DCHS1: variants seen among roughly 807,000 people sequenced by gnomAD.
The protein encoded by DCHS1 is protocadherin-16.
In DCHS1, 78 loss-of-function variants were observed where a neutral mutation model predicts 213.9. The ratio of observed to expected loss-of-function variants is 0.36; its 90% CI spans 0.30 to 0.44. The LOEUF is 0.44. DCHS1 is among the 20% of genes least tolerant of loss of function. The pLI, the probability that DCHS1 is intolerant of heterozygous loss-of-function variation, is 1.00. For missense variants in DCHS1, 3,946 were observed against 4,395.9 expected (o/e 0.90, Z 2.89); for synonymous variants, 1,828 against 1,873.7 (o/e 0.98, Z 0.63).
intron 2 of DCHS1, among the ~76,000 whole-genome samples, chr11:6,634,674 C>T (rs551278522): frequency 1.3e-5 from 2 of 152,258 alleles, no homozygotes; most frequent in South Asian, 4.1e-4. Flanking sequence ...CTCCATACAA[C>T]ACATCACAGC....
chr11:6,625,447 T>C lies in DCHS1; in HGVS notation c.6897A>G (p.Thr2299=), dbSNP rs758361353. 8.1e-6 allele frequency: 13 copies of C among 1,602,130 alleles called. No individual in the cohort carries two copies. The highest frequency in any genetic ancestry group is 6.7e-5 in the East Asian group (3 of 44,686). Residue 2299 remains threonine (T), a synonymous_variant, in exon 19 of 21, where the codon ACA becomes ACG. Transcript: ENST00000299441. This position sits in a 1 kb window ranked among gnomAD's most constrained non-coding sequence, Gnocchi z 5.3. ...ALLGSEIAQV[T]GNDVDSGPVL... is the part of the protein sequence containing the mutation. ...CGGGTCCTGAGTCCACATCATTCCC[T>C]GTTACCTGTGCAATCTCTGAGCCCA...
At chr11:6,631,948 CT>C (rs1855914815) in intron 6 of DCHS1, 82 bp downstream of exon 6, 1 of 1,458,578 alleles carries the variant, frequency 6.9e-7, no homozygotes, top group Non-Finnish European at 9.0e-7. Context: ...GAGATGGGAG[CT>C]GGGGGTTGGG....
In DCHS1 at chr11:6,623,533, C is replaced by A; in HGVS notation, c.8143G>T (p.Val2715Leu). 6.2e-7 allele frequency: 1 copy of A among 1,609,844 alleles called. No individual in the cohort carries two copies. The change falls in exon 21 of 21, where the codon GTG becomes TTG. Residue 2715 changes from valine to leucine, a missense_variant. Physicochemically the swap from Val to Leu is conservative, Grantham distance 32. This residue lies in a region of DCHS1 where 3,384 missense variants were observed against 3,780.1 expected (regional missense o/e 0.90). Coordinates refer to ENST00000299441, the MANE Select transcript of DCHS1 (RefSeq NM_003737.4). Reference sequence around the variant, plus strand: ...GTGCCTGGAGGCTGATTCTCGGCCACGCTGGTGCTGAGTAAGTTCAGTGGG... The same window carrying A: ...GTGCCTGGAGGCTGATTCTCGGCCAAGCTGGTGCTGAGTAAGTTCAGTGGG... ...AFPLNLLSTS[V>L]AENQPPGTLV...
intron 1 of DCHS1, among the ~76,000 whole-genome samples, chr11:6,646,042 T>TAC (rs1317428897): frequency 6.6e-6 from 1 of 151,852 alleles, no homozygotes; most frequent in South Asian, 2.1e-4. Context: ...CAGGCATACA[T>TAC]ACACACACAC....
At chr11:6,635,228 G>A (rs1855970733) in intron 2 of DCHS1, 1 of 152,218 alleles carries the variant, frequency 6.6e-6, no homozygotes, top group Non-Finnish European at 1.5e-5. Context: ...ATAGATTTAT[G>A]GGTGTGTGGC....
Position 6,632,533 on chromosome 11 carries a change from G to A in DCHS1, c.2979C>T (p.Thr993=). 6.5e-7 allele frequency: 1 copy of A among 1,534,834 alleles called. No individual in the cohort carries two copies. The highest frequency in any genetic ancestry group is 1.3e-5 in the South Asian group (1 of 78,766). Residue 993 remains threonine, a synonymous_variant, in exon 6 of 21, where the codon ACC becomes ACT. Coordinates refer to ENST00000299441, the MANE Select transcript of DCHS1 (RefSeq NM_003737.4). The surrounding 1 kb of genome is among the most constrained non-coding windows in gnomAD (Gnocchi z 5.9). The part of the protein sequence containing the change: ...RLRVVVQDVG[T]RGLAPRFNSP... The stretch of plus-strand genomic sequence containing the variant: ...TGTTGAATCGGGGAGCCAGCCCACG[G>A]GTTCCCACATCCTGTACCACCACCC...
At position 6,621,722 on chromosome 11, in the gene DCHS1, G is replaced by A. The variant is rs1855692885; in HGVS notation, c.*57C>T. 6 of 1,535,056 alleles carry A rather than the reference G, an allele frequency of 3.9e-6. No homozygotes were observed. In the Admixed American group the frequency reaches 1.2e-4, roughly 30 times the overall value. On this transcript the variant is annotated 3_prime_UTR_variant, in exon 21 of 21. Transcript: ENST00000299441. ...GGCTGCCCAGGGCAGGCTCAGAGTGGGGCCTGCGTTGGGGACACTGTGCGC... is the reference window on the plus strand; with the variant it reads ...GGCTGCCCAGGGCAGGCTCAGAGTGAGGCCTGCGTTGGGGACACTGTGCGC...
In DCHS1 at chr11:6,627,313, C is replaced by G. The variant is rs1256079380; in HGVS notation, c.5726G>C (p.Gly1909Ala). The change falls in exon 14 of 21, where the codon GGA becomes GCA. Residue 1909 changes from glycine to alanine, a missense_variant. Physicochemically the swap from Gly to Ala is moderately conservative, Grantham distance 60 (BLOSUM62 0). Around this residue, in one of 3 missense-constraint regions of DCHS1, gnomAD observed 3,384 missense variants for 3,780.1 expected, o/e 0.90. Transcript: ENST00000299441. The surrounding 1 kb of genome is among the most constrained non-coding windows in gnomAD (Gnocchi z 5.4). ...CAAGGCTGCAGCTGTGCGCAGTTCTCCAGAGCTGGGCTCCAGCAGGAAGGC... is the reference window on the plus strand; with the variant it reads ...CAAGGCTGCAGCTGTGCGCAGTTCTGCAGAGCTGGGCTCCAGCAGGAAGGC... ...AGAFLLEPSSGELRTAAALDR... is the reference protein window; with the variant it reads ...AGAFLLEPSSAELRTAAALDR... 1 of 1,611,442 alleles carries G rather than the reference C, an allele frequency of 6.2e-7. No individual in the cohort carries two copies. The highest frequency in any genetic ancestry group is 1.1e-5 in the South Asian group (1 of 90,738).
rs1855864926 is a variant in DCHS1, at chr11:6,629,440, G to A, written c.5161+12C>T. 6.2e-7 allele frequency: 1 copy of A among 1,612,516 alleles called. No individual in the cohort carries two copies. The highest frequency in any genetic ancestry group is 1.1e-5 in the South Asian group (1 of 90,558). On this transcript the variant is annotated intron_variant, in intron 12 of 20. Coordinates refer to ENST00000299441, the MANE Select transcript of DCHS1 (RefSeq NM_003737.4). ...ACCTCACTCAGGCTCTTGGGGTCCTGTCAACATGTACCTGTCAGGTTGATC... is the reference window on the plus strand; with the variant it reads ...ACCTCACTCAGGCTCTTGGGGTCCTATCAACATGTACCTGTCAGGTTGATC...
At position 6,622,041 on chromosome 11, in the gene DCHS1, C is replaced by T. The variant is rs1007019735; in HGVS notation, c.9635G>A (p.Gly3212Glu). 1.2e-6 allele frequency: 2 copies of T among 1,612,618 alleles called. No individual in the cohort carries two copies. Among genetic ancestry groups the T allele is most frequent in the Non-Finnish European group, 1.7e-6 (2 of 1,179,486 alleles). ...PPLITAVAHP[G>E]AKSVPPKPAN... The stretch of plus-strand genomic sequence containing the variant: ...TGGCTTGGGGGGCACAGACTTGGCT[C>T]CTGGGTGGGCCACGGCAGTGATGAG... The change falls in exon 21 of 21, where the codon GGA (glycine) becomes GAA (glutamate). Residue 3212 changes from glycine to glutamate, a missense_variant. Coordinates refer to ENST00000299441, the MANE Select transcript of DCHS1 (RefSeq NM_003737.4). The surrounding 1 kb of genome is among the most constrained non-coding windows in gnomAD (Gnocchi z 5.4).
rs369283389 is a variant in DCHS1, at chr11:6,626,698, C to T, written c.6251-33G>A. On this transcript the variant is annotated intron_variant, in intron 14 of 20. Coordinates refer to ENST00000299441, the MANE Select transcript of DCHS1 (RefSeq NM_003737.4). This position sits in a 1 kb window ranked among gnomAD's most constrained non-coding sequence, Gnocchi z 5.2. ...AAGAACGGTATTGTTGGACTGTGAG[C>T]GCGAGACTGGGAGAGTTTGGGGGAC... 8.1e-5 allele frequency: 130 copies of T among 1,612,312 alleles called. 1 individual carries two copies. The Middle Eastern group carries it at 1.8e-3, about 22-fold the overall frequency.
At chr11:6,631,839 A>C in intron 6 of DCHS1, 30 bp from the exon 7 acceptor site, 1 of 1,504,076 alleles carries the variant, frequency 6.6e-7, no homozygotes, top group Non-Finnish European at 8.9e-7. Flanking sequence ...ATCATGTACG[A>C]GATGTTTAAG....
intron 1 of DCHS1, among the ~76,000 whole-genome samples, chr11:6,646,070 T>C (rs1479338009): frequency 6.6e-6 from 1 of 151,956 alleles, no homozygotes; most frequent in East Asian, 1.9e-4. Flanking sequence ...CACTTTCTCA[T>C]GGCCCTCACA....
At position 6,624,863 on chromosome 11, in the gene DCHS1, C is replaced by G. The variant is rs1401745320; in HGVS notation, c.7152G>C (p.Met2384Ile). 1 of 1,613,844 alleles carries G rather than the reference C, an allele frequency of 6.2e-7. No homozygotes were observed. Among genetic ancestry groups the G allele is most frequent in the Non-Finnish European group, 8.5e-7 (1 of 1,179,826 alleles). The part of the protein sequence containing the change: ...PAFSQSLYQV[M>I]LLEHTPPGSA... The stretch of plus-strand genomic sequence containing the variant: ...TGCCTGGGGGTGTGTGCTCAAGCAG[C>G]ATTACCTGAAGTGTGAGGAAAAGTG... Residue 2384 changes from methionine (M) to isoleucine (I), a missense_variant, in exon 20 of 21, where the codon ATG (methionine) becomes ATC (isoleucine). Physicochemically the swap from Met to Ile is conservative, Grantham distance 10. Coordinates refer to ENST00000299441, the MANE Select transcript of DCHS1 (RefSeq NM_003737.4).
chr11:6,624,717 G>C lies in DCHS1; in HGVS notation c.7285+13C>G. On this transcript the variant is annotated intron_variant, in intron 20 of 20. Coordinates refer to ENST00000299441, the MANE Select transcript of DCHS1 (RefSeq NM_003737.4). ...CAGTCAAAGGCAAGGGGCAGATCCT[G>C]GGAAAGACGCACCATTGTTGGGGTC... The C allele has an allele frequency of 6.2e-7, 1 of 1,613,844 alleles. No individual in the cohort carries two copies. Among genetic ancestry groups the C allele is most frequent in the Non-Finnish European group, 8.5e-7 (1 of 1,179,822 alleles).
Position 6,626,340 on chromosome 11 carries a change from C to G in DCHS1, c.6405G>C (p.Glu2135Asp). ...TVRSAEGLDFEVSPRLRLVLQ... is the reference protein window; with the variant it reads ...TVRSAEGLDFDVSPRLRLVLQ... ...GCACCAGTCGCAGCCGTGGACTCACCTCGAAGTCTAGCCCCTCTGCTGAGC... is the reference window on the plus strand; with the variant it reads ...GCACCAGTCGCAGCCGTGGACTCACGTCGAAGTCTAGCCCCTCTGCTGAGC... The change falls in exon 16 of 21, where the codon GAG (glutamate) becomes GAC (aspartate). Residue 2135 changes from glutamate (E) to aspartate (D), a missense_variant. This residue lies in a region of DCHS1 where 3,384 missense variants were observed against 3,780.1 expected (regional missense o/e 0.90). Transcript: ENST00000299441. The surrounding 1 kb of genome is among the most constrained non-coding windows in gnomAD (Gnocchi z 5.2). 1 of 1,613,658 alleles carries G rather than the reference C, an allele frequency of 6.2e-7. No homozygotes were observed. The highest frequency in any genetic ancestry group is 1.1e-5 in the South Asian group (1 of 90,994).
intron 1 of DCHS1, among the ~76,000 whole-genome samples, chr11:6,648,323 G>T (rs1564871785): frequency 6.6e-6 from 1 of 152,180 alleles, no homozygotes; most frequent in Non-Finnish European, 1.5e-5. Flanking sequence ...TATTCTTCCT[G>T]GGGGCAGTAT....
chr11:6,630,839 C>G lies in DCHS1; in HGVS notation c.3955G>C (p.Glu1319Gln), dbSNP rs756975234. 1.3e-6 allele frequency: 2 copies of G among 1,526,728 alleles called. No individual in the cohort carries two copies. The highest frequency in any genetic ancestry group is 1.2e-5 in the South Asian group (1 of 81,590). 94.6% of individuals were successfully genotyped at this position (1,526,728 alleles called of 1,614,324 possible). A position where few individuals can be genotyped will look rare whatever the true frequency, so the allele number is the denominator to read the frequency against. ...CGCTCTGCGAGATCTGGGGGCGGCTCGGCCAAGCGAGCTGAGGGAAGCACC... is the reference window on the plus strand; with the variant it reads ...CGCTCTGCGAGATCTGGGGGCGGCTGGGCCAAGCGAGCTGAGGGAAGCACC... ...VQVLPSARLA[E>Q]PPPDLAERDP... The change falls in exon 10 of 21, where the codon GAG becomes CAG. Residue 1319 changes from glutamate to glutamine, a missense_variant. Glu to Gln is a conservative substitution (Grantham distance 29). Around this residue, in one of 3 missense-constraint regions of DCHS1, gnomAD observed 3,384 missense variants for 3,780.1 expected, o/e 0.90. Coordinates refer to ENST00000299441, the MANE Select transcript of DCHS1 (RefSeq NM_003737.4).
At chr11:6,645,925 C>T (rs1235276110) in intron 1 of DCHS1, among the ~76,000 whole-genome samples, 1 of 152,144 alleles carries the variant, frequency 6.6e-6, no homozygotes, top group Non-Finnish European at 1.5e-5. Flanking sequence ...CTTTAACATA[C>T]ACAGCCAGTG....
Sources: allele counts gnomAD v4.1 joint callset (sites outside exome capture counted in the v4.1 genomes callset), GRCh38; gene constraint gnomAD v4.1.1; regional missense constraint gnomAD v4.1.1; non-coding constraint Gnocchi (gnomAD v3.1); transcripts MANE v1.5; gene names NCBI Gene and HGNC (gene_info 2026-07-23, HGNC 2026-07-21).